PTPRG: variants seen among roughly 807,000 people sequenced by gnomAD.
The protein encoded by PTPRG is receptor-type tyrosine-protein phosphatase gamma.
Under a neutral mutation model 165.3 loss-of-function variants are expected in PTPRG, and 102 were observed. The ratio of observed to expected loss-of-function variants is 0.62; its 90% CI spans 0.53 to 0.73. PTPRG has a LOEUF of 0.73. Ranked by LOEUF, PTPRG falls within the 30% of genes least tolerant of loss-of-function variation. PTPRG has a pLI of 0.00. For missense variants in PTPRG, 1,866 were observed against 1,861.4 expected, an observed-to-expected ratio of 1.00 and a Z score of -0.05; for synonymous variants, 675 against 669.5, an observed-to-expected ratio of 1.01 and a Z score of -0.13.
intron 2 of PTPRG, among the ~76,000 whole-genome samples, chr3:61,801,796 G>A (rs2035252546): frequency 6.6e-6 from 1 of 152,100 alleles, no homozygotes; most frequent in East Asian, 1.9e-4. Context: ...AAGGCCCAGA[G>A]GGCCGGATGC....
intron 2 of PTPRG, among the ~76,000 whole-genome samples, chr3:61,973,067 T>C (rs1177440681): frequency 2.6e-5 from 4 of 152,144 alleles, no homozygotes; most frequent in African/African-American, 7.2e-5. Context: ...CCGAGACACT[T>C]GAAAGGTCTA....
chr3:61,690,256 G>A (rs1238719917), intron 1 of PTPRG, among the ~76,000 whole-genome samples: 1 of 152,188 alleles, frequency 6.6e-6, no homozygotes, highest in Non-Finnish European at 1.5e-5. Flanking sequence ...AGGCCTCCTG[G>A]TTCTTCAAGG....
chr3:61,632,588 C>A (rs1701799145), intron 1 of PTPRG, among the ~76,000 whole-genome samples: 1 of 152,142 alleles, frequency 6.6e-6, no homozygotes, highest in Non-Finnish European at 1.5e-5. Context: ...CAGCCATTGT[C>A]AGTTTGCAAA....
At chr3:62,140,317 A>G (rs1157990987) in intron 6 of PTPRG, among the ~76,000 whole-genome samples, 1 of 152,244 alleles carries the variant, frequency 6.6e-6, no homozygotes, top group Non-Finnish European at 1.5e-5. Flanking sequence ...ACTTGTGCAT[A>G]TGAGCCTTAT....
At chr3:62,292,654 C>A (rs1702941110) in intron 29 of PTPRG, 98 bp downstream of exon 29, 2 of 1,418,236 alleles carry the variant, frequency 1.4e-6, no homozygotes, top group African/African-American at 2.9e-5. Context: ...GATTTTGCCC[C>A]CCAGGGGACA....
At chr3:61,753,676 C>T (rs762180926) in intron 2 of PTPRG, 1 of 425,070 alleles carries the variant, frequency 2.4e-6, no homozygotes, top group South Asian at 1.7e-5. Flanking sequence ...CCCCCCAACC[C>T]CCTGCTTCCT....
intron 2 of PTPRG, among the ~76,000 whole-genome samples, chr3:61,855,073 T>C (rs572285807): frequency 6.6e-6 from 1 of 152,330 alleles, no homozygotes; most frequent in African/African-American, 2.4e-5. Context: ...ACGCAGTTAC[T>C]GAGTGGTTCT....
At chr3:61,673,749 C>A (rs1160909783) in intron 1 of PTPRG, among the ~76,000 whole-genome samples, 1 of 152,152 alleles carries the variant, frequency 6.6e-6, no homozygotes, top group African/African-American at 2.4e-5. Context: ...AACCCCCTTT[C>A]TGACTATTGA....
chr3:61,982,331 C>A (rs2040660005), intron 2 of PTPRG, among the ~76,000 whole-genome samples: 1 of 152,250 alleles, frequency 6.6e-6, no homozygotes, highest in Non-Finnish European at 1.5e-5. Flanking sequence ...GCTGGTACAA[C>A]TTTAAGTCAG....
intron 1 of PTPRG, among the ~76,000 whole-genome samples, chr3:61,747,801 T>C (rs1246973788): frequency 6.6e-6 from 1 of 152,154 alleles, no homozygotes; most frequent in Non-Finnish European, 1.5e-5. Flanking sequence ...TTTTTTTTTT[T>C]CTCTTTGAAA....
At chr3:61,694,332 A>G (rs1490207887) in intron 1 of PTPRG, among the ~76,000 whole-genome samples, 1 of 152,238 alleles carries the variant, frequency 6.6e-6, no homozygotes, top group Non-Finnish European at 1.5e-5. Flanking sequence ...AGTCCCTTAC[A>G]TAGTTAAAAC....
chr3:61,798,977 C>G (rs889580162), intron 2 of PTPRG, among the ~76,000 whole-genome samples: 1 of 151,016 alleles, frequency 6.6e-6, no homozygotes, highest in Admixed American at 6.6e-5. Flanking sequence ...TTGAGGGTTT[C>G]TTGGTCTTTT....
At chr3:61,669,467 A>G (rs1702906245) in intron 1 of PTPRG, among the ~76,000 whole-genome samples, 1 of 152,188 alleles carries the variant, frequency 6.6e-6, no homozygotes, top group East Asian at 1.9e-4. Flanking sequence ...CTGCAGGGGC[A>G]TCCATTCCCA....
chr3:62,065,102 C>T (rs563662719), intron 4 of PTPRG, among the ~76,000 whole-genome samples: 1 of 152,042 alleles, frequency 6.6e-6, no homozygotes, highest in African/African-American at 2.4e-5. Context: ...ATCCATAAAT[C>T]CAGTGTTACG....
intron 4 of PTPRG, among the ~76,000 whole-genome samples, chr3:62,036,221 A>T (rs182574122): frequency 3.7e-4 from 57 of 152,322 alleles, no homozygotes; most frequent in Non-Finnish European, 2.9e-4. Flanking sequence ...TGTGGGTTAC[A>T]GCTTAATAGG....
rs79709885 is a variant in PTPRG, at chr3:61,659,229, C to T, written c.86-89649C>T. The T allele has an allele frequency of 8.1e-4, 679 of 835,228 alleles. 2 individuals carry two copies. In the African/African-American group the frequency reaches 0.011, roughly 14 times the overall value. The allele number at this position is 835,228 out of a possible 1,614,324, so 51.7% of individuals were successfully genotyped here. On this transcript the variant is annotated intron_variant, in intron 1 of 29. Coordinates refer to ENST00000474889, the MANE Select transcript of PTPRG (RefSeq NM_002841.4). ...TTCTTGTAGCTCCATAGCCGTCAGC[C>T]TGAATAGATGTTCTCAGGGCTTCAT...
chr3:62,126,043 A>G (rs1703280017), intron 5 of PTPRG, among the ~76,000 whole-genome samples: 1 of 152,176 alleles, frequency 6.6e-6, no homozygotes, highest in East Asian at 1.9e-4. Context: ...GCGTGTTGAG[A>G]GAATCCAAAG....
At chr3:62,001,023 T>A (rs2041161800) in intron 3 of PTPRG, among the ~76,000 whole-genome samples, 1 of 152,204 alleles carries the variant, frequency 6.6e-6, no homozygotes, top group African/African-American at 2.4e-5. Flanking sequence ...AGTGGCAGAA[T>A]GGAATTCCAA....
At chr3:61,659,447 G>A (rs774308056) in intron 1 of PTPRG, 32 of 985,072 alleles carry the variant, frequency 3.2e-5, no homozygotes, top group Non-Finnish European at 3.9e-5. Context: ...AGCCTTTGCA[G>A]GTTTGTCCAG....
Sources: gnomAD v4.1 joint callset for allele counts (sites outside exome capture counted in the v4.1 genomes callset) on GRCh38, gnomAD v4.1.1 for gene constraint, MANE v1.5 for transcripts, NCBI Gene and HGNC (gene_info 2026-07-23, HGNC 2026-07-21) for gene names.